Variants in PDE1C observed in about 807,000 individuals in gnomAD.
PDE1C encodes phosphodiesterase 1C.
In PDE1C, 62 loss-of-function variants were observed where a neutral mutation model predicts 93.1. That is an observed-to-expected ratio of 0.67 (90% CI 0.54 to 0.82). The LOEUF (loss-of-function observed/expected upper bound fraction) is 0.82, where lower values mean the gene tolerates loss of function less well. PDE1C is among the 40% of genes least tolerant of loss of function. The pLI is 0.00. For missense variants in PDE1C, 742 were observed against 884.6 expected, an observed-to-expected ratio of 0.84 and a Z score of 2.04; for synonymous variants, 325 against 310.1, an observed-to-expected ratio of 1.05 and a Z score of -0.50.
intron 1 of PDE1C, among the ~76,000 whole-genome samples, chr7:32,344,062 A>C (rs1783806335): frequency 6.6e-6 from 1 of 152,100 alleles, no homozygotes; most frequent in Non-Finnish European, 1.5e-5. Context: ...ACTCTATGTT[A>C]ATTTTTTATT....
At chr7:31,950,806 T>C (rs1023192199) in intron 2 of PDE1C, among the ~76,000 whole-genome samples, 1 of 152,186 alleles carries the variant, frequency 6.6e-6, no homozygotes, top group Non-Finnish European at 1.5e-5. Flanking sequence ...GATTTTAGCT[T>C]GAAATTCTAT....
At chr7:31,893,028 T>C (rs1364880316) in intron 2 of PDE1C, among the ~76,000 whole-genome samples, 1 of 152,136 alleles carries the variant, frequency 6.6e-6, no homozygotes, top group Non-Finnish European at 1.5e-5. Context: ...ACCCCATAAA[T>C]ATATACAATT....
the PDE1C span, among the ~76,000 whole-genome samples, chr7:31,730,610 G>A: frequency 6.6e-6 from 1 of 152,182 alleles, no homozygotes; most frequent in Non-Finnish European, 1.5e-5. Context: ...TATTTTTCCG[G>A]TTGGAAAGTG....
At chr7:31,815,104 C>A (rs1179596864) in intron 15 of PDE1C, among the ~76,000 whole-genome samples, 1 of 152,076 alleles carries the variant, frequency 6.6e-6, no homozygotes, top group Non-Finnish European at 1.5e-5. Flanking sequence ...GAAGCCTACT[C>A]TGACATTTAC....
At chr7:32,329,728 TTCTTTTTCCC>T (rs1336188861) in intron 1 of PDE1C, among the ~76,000 whole-genome samples, 1 of 152,260 alleles carries the variant, frequency 6.6e-6, no homozygotes, top group African/African-American at 2.4e-5. Flanking sequence ...GCTTTGTTAT[TTCTTTTTCCC>T]TTTATTTTTA....
intron 2 of PDE1C, among the ~76,000 whole-genome samples, chr7:31,970,328 T>A (rs2129047864): frequency 6.6e-6 from 1 of 152,190 alleles, no homozygotes; most frequent in African/African-American, 2.4e-5. Flanking sequence ...AGCCCCAATA[T>A]CTACTAAATT....
At chr7:32,364,891 C>T (rs1342205523) in intron 1 of PDE1C, among the ~76,000 whole-genome samples, 1 of 152,242 alleles carries the variant, frequency 6.6e-6, no homozygotes, top group Non-Finnish European at 1.5e-5. Context: ...TGGTCCAGCA[C>T]AGCAGGAAAA....
At chr7:31,654,762 A>G in the PDE1C span, among the ~76,000 whole-genome samples, 108,425 of 151,960 alleles carry the variant, frequency 0.71, 39,216 homozygotes, top group East Asian at 0.82. Context: ...CCATGAGGGA[A>G]GTTTATAATT....
At chr7:31,974,148 GC>G (rs1811331221) in intron 2 of PDE1C, among the ~76,000 whole-genome samples, 1 of 152,044 alleles carries the variant, frequency 6.6e-6, no homozygotes, top group African/African-American at 2.4e-5. Context: ...TTGAAGTTAA[GC>G]AGTTAGTCTC....
chr7:31,869,054 C>A (rs1795625994), intron 6 of PDE1C, among the ~76,000 whole-genome samples: 1 of 151,926 alleles, frequency 6.6e-6, no homozygotes, highest in Non-Finnish European at 1.5e-5. Flanking sequence ...GAGTCTTACG[C>A]CTGGAAACAG....
intron 2 of PDE1C, among the ~76,000 whole-genome samples, chr7:31,973,244 A>G (rs1405388945): frequency 6.6e-6 from 1 of 152,220 alleles, no homozygotes; most frequent in African/African-American, 2.4e-5. Flanking sequence ...CAACAGTCAT[A>G]TCATTGGAAT....
chr7:31,795,683 G>T (rs1210799930), intron 16 of PDE1C, among the ~76,000 whole-genome samples: 2 of 151,662 alleles, frequency 1.3e-5, no homozygotes, highest in East Asian at 1.9e-4. Context: ...AAGAGACTGG[G>T]ATCTAAACAC....
At chr7:32,211,744 G>C (rs1331635916) in intron 1 of PDE1C, among the ~76,000 whole-genome samples, 1 of 151,976 alleles carries the variant, frequency 6.6e-6, no homozygotes, top group Non-Finnish European at 1.5e-5. Flanking sequence ...GAGCTGGGTG[G>C]GGCATAGTGG....
At chr7:32,067,544 T>TCCTCTTGCTCTGGTAAAGACTA (rs1795549189) in intron 1 of PDE1C, among the ~76,000 whole-genome samples, 1 of 152,088 alleles carries the variant, frequency 6.6e-6, no homozygotes, top group African/African-American at 2.4e-5. Context: ...ACCACAGAAA[T>TCCTCTTGCTCTGGTAAAGACTA]CCTCTTGCTC....
chr7:32,228,520 T>C (rs756353230), intron 1 of PDE1C, among the ~76,000 whole-genome samples: 33 of 152,212 alleles, frequency 2.2e-4, no homozygotes, highest in Non-Finnish European at 3.5e-4. Flanking sequence ...GTGGCAGTCC[T>C]GAAATTCAAA....
At chr7:31,622,820 C>T in the PDE1C span, among the ~76,000 whole-genome samples, 3 of 152,038 alleles carry the variant, frequency 2.0e-5, no homozygotes, top group East Asian at 5.8e-4. Context: ...AATCCAGGAG[C>T]TGGTTTTTTG....
chr7:31,861,525 A>G (rs1162995409), intron 7 of PDE1C, among the ~76,000 whole-genome samples: 4 of 151,982 alleles, frequency 2.6e-5, no homozygotes, highest in African/African-American at 9.7e-5. Flanking sequence ...ACATGTCTAA[A>G]TCAGAATTCT....
intron 1 of PDE1C, among the ~76,000 whole-genome samples, chr7:32,221,603 T>C (rs1220676570): frequency 6.6e-6 from 1 of 152,152 alleles, no homozygotes; most frequent in Non-Finnish European, 1.5e-5. Context: ...AGTAGCTCAG[T>C]GCTAAAGGAC....
intron 16 of PDE1C, among the ~76,000 whole-genome samples, chr7:31,802,409 TA>T (rs1259580569): frequency 1.3e-5 from 2 of 151,718 alleles, no homozygotes; most frequent in East Asian, 3.9e-4. Context: ...GTATATGTTA[TA>T]AAATAAACAG....
Sources: allele counts gnomAD v4.1 joint callset (sites outside exome capture counted in the v4.1 genomes callset), GRCh38; gene constraint gnomAD v4.1.1; transcripts MANE v1.5; gene names NCBI Gene and HGNC (gene_info 2026-07-23, HGNC 2026-07-21).